SLC45A4: variants seen among roughly 807,000 people sequenced by gnomAD.
SLC45A4 encodes solute carrier family 45 member 4.
Under a neutral mutation model 63.7 loss-of-function variants are expected in SLC45A4, and 32 were observed. That is an observed-to-expected ratio of 0.50 (90% CI 0.38 to 0.67). The LOEUF (loss-of-function observed/expected upper bound fraction) is 0.67. Ranked by LOEUF, SLC45A4 falls within the 30% of genes least tolerant of loss-of-function variation. The probability of loss-of-function intolerance (pLI) is 0.00; values close to 1 mark genes in which losing one functional copy is unlikely to be tolerated. For missense variants in SLC45A4, 1,027 were observed against 1,157.7 expected, an observed-to-expected ratio of 0.89 and a Z score of 1.64; for synonymous variants, 535 against 510.0, an observed-to-expected ratio of 1.05 and a Z score of -0.66.
chr8:141,276,740 G>T (rs374689683), intron 1 of SLC45A4, among the ~76,000 whole-genome samples: 21 of 152,288 alleles, frequency 1.4e-4, no homozygotes, highest in African/African-American at 4.8e-4. Context: ...TTCTTTCCAG[G>T]CTGAAAGAGA....
chr8:141,210,643 T>A lies in SLC45A4; in HGVS notation c.*929A>T, dbSNP rs1825753934. On this transcript the variant is annotated 3_prime_UTR_variant, in exon 9 of 9. Transcript: ENST00000517878. ...TTCAAGTAATTTATTTAAAAACTGC[T>A]TTAGTTTCATCTTGAAATATATATA... 1 of 152,254 alleles carries A rather than the reference T, an allele frequency of 6.6e-6. No individual in the cohort carries two copies. 9.4% of individuals were successfully genotyped at this position (152,254 alleles called of 1,614,324 possible). A position where few individuals can be genotyped will look rare whatever the true frequency, so the allele number is the denominator to read the frequency against.
chr8:141,254,496 A>G lies in SLC45A4; in HGVS notation c.-267T>C. On this transcript the variant is annotated 5_prime_UTR_variant, in exon 2 of 9. Transcript: ENST00000517878. The surrounding 1 kb of genome is among the most constrained non-coding windows in gnomAD (Gnocchi z 4.5). Reference sequence around the variant, plus strand: ...TGTGAATTAGAGTTAAAAATCCATAATTGCCATTCAGTTAATACCAGTTTC... The same window carrying G: ...TGTGAATTAGAGTTAAAAATCCATAGTTGCCATTCAGTTAATACCAGTTTC... 1.5e-6 allele frequency: 1 copy of G among 685,670 alleles called. No individual in the cohort carries two copies. The highest frequency in any genetic ancestry group is 2.7e-6 in the Non-Finnish European group (1 of 374,952). 42.5% of individuals were successfully genotyped at this position (685,670 alleles called of 1,614,324 possible).
intron 1 of SLC45A4, among the ~76,000 whole-genome samples, chr8:141,271,926 C>T (rs751313733): frequency 2.8e-4 from 42 of 151,934 alleles, no homozygotes; most frequent in Non-Finnish European, 5.4e-4. Flanking sequence ...ACGTGTGCAA[C>T]ACACACCTGC....
intron 2 of SLC45A4, chr8:141,224,175 G>A (rs192712896): frequency 6.6e-6 from 1 of 152,302 alleles, no homozygotes; most frequent in African/African-American, 2.4e-5. Flanking sequence ...GATCCACTGT[G>A]TCCTGAACCC....
intron 7 of SLC45A4, among the ~76,000 whole-genome samples, chr8:141,214,328 G>C (rs1397558681): frequency 6.6e-6 from 1 of 152,056 alleles, no homozygotes; most frequent in African/African-American, 2.4e-5. Context: ...AGGAAAATAA[G>C]TAACAGGTAC....
chr8:141,223,202 C>A (rs553337108), intron 2 of SLC45A4, among the ~76,000 whole-genome samples: 3 of 152,278 alleles, frequency 2.0e-5, no homozygotes, highest in East Asian at 3.9e-4. Flanking sequence ...TTTGCTTTGA[C>A]CTTTGCACTG....
intron 1 of SLC45A4, among the ~76,000 whole-genome samples, chr8:141,279,191 G>A (rs1829845658): frequency 6.6e-6 from 1 of 152,250 alleles, no homozygotes; most frequent in Admixed American, 6.5e-5. Flanking sequence ...GAGCCCCTGT[G>A]GCCTCGGGGC....
At chr8:141,219,169 T>A in intron 4 of SLC45A4, 140 bp from the exon 5 acceptor site, 2 of 992,326 alleles carry the variant, frequency 2.0e-6, no homozygotes, top group Non-Finnish European at 2.9e-6. Flanking sequence ...GAGAAAGCAG[T>A]AGGAAAACAA....
intron 1 of SLC45A4, among the ~76,000 whole-genome samples, chr8:141,306,582 C>T (rs13267532): frequency 0.39 from 59,424 of 152,156 alleles, 13,638 homozygotes; most frequent in Non-Finnish European, 0.51. Flanking sequence ...GTGTGTGTTA[C>T]CTGCTCTGAT....
chr8:141,285,994 G>A (rs1830130195), intron 1 of SLC45A4, among the ~76,000 whole-genome samples: 1 of 152,204 alleles, frequency 6.6e-6, no homozygotes, highest in Admixed American at 6.5e-5. Flanking sequence ...CCTGGGGTGG[G>A]GGCAGACGTG....
At chr8:141,244,968 G>GGGGGGGGGGGGGGGGGGGGGGGGGGGGGC (rs1569558620) in intron 2 of SLC45A4, among the ~76,000 whole-genome samples, 1 of 71,832 alleles carries the variant, frequency 1.4e-5, no homozygotes, top group Admixed American at 1.3e-4. Flanking sequence ...GGGGGGGGGG[G>GGGGGGGGGGGGGGGGGGGGGGGGGGGGGC]GCGGTGTGGA....
rs139878574 is a variant in SLC45A4 at position 141,221,611 on chromosome 8, A to G, written c.396T>C (p.Phe132=). The change falls in exon 3 of 9, where the codon TTT becomes TTC. Residue 132 remains phenylalanine (F), a synonymous_variant. Transcript: ENST00000517878. ...FILALCVGVL[F]GVALFLNGSA... The stretch of plus-strand genomic sequence containing the variant: ...AGCCGTTAAGGAAAAGTGCAACGCC[A>G]AAGAGGACGCCAACGCAGAGGGCGA... The G allele has an allele frequency of 5.0e-5, 81 of 1,613,646 alleles. No individual in the cohort carries two copies. The African/African-American group carries it at 9.1e-4, about 18-fold the overall frequency.
intron 2 of SLC45A4, among the ~76,000 whole-genome samples, chr8:141,249,008 A>AC (rs1828344992): frequency 7.2e-6 from 1 of 138,872 alleles, no homozygotes; most frequent in South Asian, 2.4e-4. Context: ...ACAGAGTGAG[A>AC]CCCCATCTTA....
chr8:141,299,915 A>G (rs1830688015), intron 1 of SLC45A4, among the ~76,000 whole-genome samples: 1 of 152,154 alleles, frequency 6.6e-6, no homozygotes, highest in African/African-American at 2.4e-5. Flanking sequence ...TTCCAGGGTG[A>G]TTTAATCCGG....
chr8:141,243,373 C>G (rs1828008872), intron 2 of SLC45A4, among the ~76,000 whole-genome samples: 2 of 152,226 alleles, frequency 1.3e-5, no homozygotes. Flanking sequence ...TTCCCACAAA[C>G]TAGAAAGGCT....
At chr8:141,268,485 CCGTAA>C (rs1247513391) in intron 1 of SLC45A4, among the ~76,000 whole-genome samples, 1 of 152,166 alleles carries the variant, frequency 6.6e-6, no homozygotes, top group Non-Finnish European at 1.5e-5. Context: ...GGCTCATCCA[CCGTAA>C]TCAATGTCCC....
At chr8:141,216,680 G>C (rs897595495) in intron 6 of SLC45A4, among the ~76,000 whole-genome samples, 5 of 151,918 alleles carry the variant, frequency 3.3e-5, no homozygotes, top group African/African-American at 1.2e-4. Context: ...CTCGCTGCAG[G>C]ACGGAAGCCT....
In SLC45A4 at chr8:141,211,694, G is replaced by A. The variant is rs954745807; in HGVS notation, c.2305C>T (p.Pro769Ser). Residue 769 changes from proline (P) to serine (S), a missense_variant, in exon 9 of 9, where the codon CCT becomes TCT. Pro to Ser is a moderately conservative substitution (Grantham distance 74, BLOSUM62 -1). Transcript: ENST00000517878. ...QGPVETESVT[P>S]AGIDVCQISS... is the part of the protein sequence containing the mutation. ...ATCTGACAGACGTCAATACCTGCAG[G>A]CGTCTACAGAGAGGAAATTTGATAA... The A allele has an allele frequency of 1.9e-6, 3 of 1,549,250 alleles. No individual in the cohort carries two copies. In the African/African-American group the frequency reaches 4.2e-5, roughly 21 times the overall value.
At chr8:141,296,836 CA>C (rs34267017) in intron 1 of SLC45A4, among the ~76,000 whole-genome samples, 33 of 77,274 alleles carry the variant, frequency 4.3e-4, no homozygotes, top group African/African-American at 6.7e-4. Context: ...ACTCCATTGC[CA>C]AAAAAAAAAA....
Sources: allele counts gnomAD v4.1 joint callset (sites outside exome capture counted in the v4.1 genomes callset), GRCh38; gene constraint gnomAD v4.1.1; non-coding constraint Gnocchi (gnomAD v3.1); transcripts MANE v1.5; gene names NCBI Gene and HGNC (gene_info 2026-07-23, HGNC 2026-07-21).